Variants in IQSEC1 observed in about 807,000 individuals in gnomAD.
The protein encoded by IQSEC1 is IQ motif and Sec7 domain ArfGEF 1.
A neutral mutation model predicts 91.0 loss-of-function variants in IQSEC1; 31 were observed. The ratio of observed to expected loss-of-function variants is 0.34; its 90% confidence interval spans 0.26 to 0.46. IQSEC1 has a LOEUF of 0.46. IQSEC1 is among the 20% of genes least tolerant of loss of function. IQSEC1 has a pLI of 1.00. For synonymous variants in IQSEC1, 699 were observed against 662.6 expected, an observed-to-expected ratio of 1.05 and a Z score of -0.84; for missense variants, 1,388 against 1,575.6, an observed-to-expected ratio of 0.88 and a Z score of 2.02.
chr3:13,194,072 C>G (rs1378900223), intron 1 of IQSEC1, among the ~76,000 whole-genome samples: 1 of 152,182 alleles, frequency 6.6e-6, no homozygotes, highest in Non-Finnish European at 1.5e-5. Flanking sequence ...TGACCTAATC[C>G]CCTCTTCCTA....
Position 12,899,796 on chromosome 3 carries a change from T to C in IQSEC1, c.*1187A>G. On this transcript the variant is annotated 3_prime_UTR_variant, in exon 14 of 14. Coordinates refer to ENST00000613206, the MANE Select transcript of IQSEC1 (RefSeq NM_001134382.3). ...AGTGGTTCCTGATGAAAACACTCTCTGAGGGCTTCGGCCTGGTGTGGGTTG... is the reference window on the plus strand; with the variant it reads ...AGTGGTTCCTGATGAAAACACTCTCCGAGGGCTTCGGCCTGGTGTGGGTTG... The C allele has an allele frequency of 2.0e-6, 2 of 985,244 alleles. No homozygotes were observed. The highest frequency in any genetic ancestry group is 1.7e-5 in the African/African-American group (1 of 57,328). 61.0% of individuals were successfully genotyped at this position (985,244 alleles called of 1,614,324 possible).
intron 1 of IQSEC1, among the ~76,000 whole-genome samples, chr3:13,072,728 G>T (rs533677392): frequency 6.6e-6 from 1 of 152,200 alleles, no homozygotes; most frequent in Non-Finnish European, 1.5e-5. Flanking sequence ...GATCTGGGAG[G>T]GGGGATACCT....
At chr3:12,902,696 C>CAAAAAAAAAAAAAAAAAAAAAAAAA in intron 13 of IQSEC1, 77 bp downstream of exon 13, 1 of 348,730 alleles carries the variant, frequency 2.9e-6, no homozygotes, top group Non-Finnish European at 5.1e-6. Flanking sequence ...AAAAAAAAAC[C>CAAAAAAAAAAAAAAAAAAAAAAAAA]AGGACAACAG....
At chr3:13,235,915 G>A (rs1025010427) in intron 1 of IQSEC1, among the ~76,000 whole-genome samples, 1 of 152,234 alleles carries the variant, frequency 6.6e-6, no homozygotes, top group African/African-American at 2.4e-5. Flanking sequence ...AACCCGCTGC[G>A]GCAGACAGAT....
chr3:13,221,854 G>C (rs1351157710), intron 1 of IQSEC1, among the ~76,000 whole-genome samples: 4 of 152,198 alleles, frequency 2.6e-5, no homozygotes, highest in Admixed American at 6.5e-5. Context: ...AGGACTCCAG[G>C]GCCTGATCTG....
At chr3:13,221,471 G>C (rs979390077) in intron 1 of IQSEC1, among the ~76,000 whole-genome samples, 12 of 152,200 alleles carry the variant, frequency 7.9e-5, no homozygotes, top group African/African-American at 2.9e-4. Context: ...GGCCTTCCAG[G>C]CAAGGCCAAG....
At chr3:13,088,212 G>T (rs1705769331) in intron 2 of IQSEC1, among the ~76,000 whole-genome samples, 1 of 152,232 alleles carries the variant, frequency 6.6e-6, no homozygotes, top group South Asian at 2.1e-4. Flanking sequence ...TTAAAGCAGG[G>T]CAGCGTGCTA....
rs769979846 is a variant in IQSEC1, at chr3:12,936,136, C to T, written c.880G>A (p.Asp294Asn). The change falls in exon 3 of 14, where the codon GAT becomes AAT. Residue 294 changes from aspartate (D) to asparagine (N), a missense_variant. By Grantham distance (23) the Asp-to-Asn change is conservative (BLOSUM62 1). This residue lies in a region of IQSEC1 where 1,059 missense variants were observed against 1,317.8 expected (regional missense o/e 0.80). Coordinates refer to ENST00000613206, the MANE Select transcript of IQSEC1 (RefSeq NM_001134382.3). ...AGAGGGGGCGACAGCTCCTCCTCATCGATGTACAGGGTGACATCACTGTAC... is the reference window on the plus strand; with the variant it reads ...AGAGGGGGCGACAGCTCCTCCTCATTGATGTACAGGGTGACATCACTGTAC... The part of the protein sequence containing the change: ...ASYSDVTLYI[D>N]EEELSPPLPL... 5 of 1,612,242 alleles carry T rather than the reference C, an allele frequency of 3.1e-6. No individual in the cohort carries two copies. The highest frequency in any genetic ancestry group is 1.6e-4 in the Middle Eastern group (1 of 6,084).
intron 2 of IQSEC1, among the ~76,000 whole-genome samples, chr3:13,149,175 C>G (rs750736705): frequency 3.3e-5 from 5 of 152,220 alleles, no homozygotes; most frequent in African/African-American, 1.2e-4. Flanking sequence ...GCAGGCCCCC[C>G]ACATCCCAAA....
chr3:13,086,264 G>T (rs1196883328), intron 2 of IQSEC1, among the ~76,000 whole-genome samples: 2 of 152,362 alleles, frequency 1.3e-5, no homozygotes, highest in East Asian at 3.9e-4. Context: ...ACAGACTGAG[G>T]AGGGTGACAG....
rs371577883 is a variant in IQSEC1, at chr3:12,900,451, G to GTGTA, written c.*531_*532insTACA. On this transcript the variant is annotated 3_prime_UTR_variant, in exon 14 of 14. Coordinates refer to ENST00000613206, the MANE Select transcript of IQSEC1 (RefSeq NM_001134382.3). ...TTCACACACAAGTACTACCTATACAGTATATATATATATATATTTATATAT... is the reference window on the plus strand; with the variant it reads ...TTCACACACAAGTACTACCTATACAGTGTATATATATATATATATATTTATATAT... 6 of 701,466 alleles carry GTGTA rather than the reference G, an allele frequency of 8.6e-6. No homozygotes were observed. In the African/African-American group the frequency reaches 9.9e-5, roughly 12 times the overall value. 43.5% of individuals were successfully genotyped at this position (701,466 alleles called of 1,614,324 possible).
intron 1 of IQSEC1, among the ~76,000 whole-genome samples, chr3:12,982,135 C>T (rs982147853): frequency 6.6e-6 from 1 of 152,194 alleles, no homozygotes; most frequent in Non-Finnish European, 1.5e-5. Context: ...GCAGGTTAAG[C>T]ACTGTTCTGC....
At chr3:13,007,457 C>T (rs1385621314) in intron 1 of IQSEC1, among the ~76,000 whole-genome samples, 2 of 152,202 alleles carry the variant, frequency 1.3e-5, no homozygotes, top group Non-Finnish European at 2.9e-5. Context: ...GTCCACCCTC[C>T]GTGTCTCTAA....
At chr3:13,154,043 T>A (rs1418846035) in intron 2 of IQSEC1, among the ~76,000 whole-genome samples, 13 of 151,922 alleles carry the variant, frequency 8.6e-5, no homozygotes, top group Admixed American at 8.5e-4. Context: ...GAGGACGGAT[T>A]TTAAGGACAG....
At position 12,900,953 on chromosome 3, in the gene IQSEC1, C is replaced by T. The variant is rs1255414723; in HGVS notation, c.*30G>A. The T allele has an allele frequency of 6.5e-7, 1 of 1,540,644 alleles. No homozygotes were observed. The highest frequency in any genetic ancestry group is 1.4e-5 in the African/African-American group (1 of 73,016). On this transcript the variant is annotated 3_prime_UTR_variant, in exon 14 of 14. Transcript: ENST00000613206. ...TGCCCTGTGTGGTGTGCAGGTGTTT[C>T]AGGGAGCCTGGGACCCCTACCCAGG...
intron 1 of IQSEC1, among the ~76,000 whole-genome samples, chr3:12,978,667 T>C (rs1374349631): frequency 2.6e-5 from 4 of 151,008 alleles, no homozygotes; most frequent in African/African-American, 9.8e-5. Context: ...ATTGCACCAG[T>C]GCACTCCAAC....
chr3:12,926,733 C>T (rs973421033), intron 3 of IQSEC1, among the ~76,000 whole-genome samples: 2 of 152,236 alleles, frequency 1.3e-5, no homozygotes, highest in Non-Finnish European at 2.9e-5. Context: ...TCCACCTGCC[C>T]CATAACCTGC....
intron 2 of IQSEC1, among the ~76,000 whole-genome samples, chr3:13,098,110 G>A: frequency 6.6e-6 from 1 of 152,224 alleles, no homozygotes; most frequent in East Asian, 1.9e-4. Flanking sequence ...CCCTAGGTCA[G>A]GTCTTCAGGT....
intron 3 of IQSEC1, among the ~76,000 whole-genome samples, chr3:12,932,901 G>C (rs904906650): frequency 2.6e-5 from 4 of 152,208 alleles, no homozygotes; most frequent in Non-Finnish European, 5.9e-5. Flanking sequence ...GGTAGACCTC[G>C]GCAGCCCCCG....
Sources: gnomAD v4.1 joint callset for allele counts (sites outside exome capture counted in the v4.1 genomes callset) on GRCh38, gnomAD v4.1.1 for gene constraint, gnomAD v4.1.1 regional missense constraint, MANE v1.5 for transcripts, NCBI Gene and HGNC (gene_info 2026-07-23, HGNC 2026-07-21) for gene names.